LRIG1: variants seen among roughly 807,000 people sequenced by gnomAD.
LRIG1 encodes leucine-rich repeats and immunoglobulin-like domains protein 1.
LRIG1 carries 48 observed loss-of-function variants against 99.2 expected under a neutral mutation model. The observed-to-expected ratio is 0.48, with a 90% confidence interval of 0.38 to 0.62. LRIG1 has a LOEUF of 0.62. LRIG1 is among the 20% of genes least tolerant of loss of function. LRIG1 has a pLI of 0.00. For missense variants in LRIG1, 1,646 were observed against 1,434.4 expected (o/e 1.15, Z -2.38); for synonymous variants, 772 against 596.1 (o/e 1.29, Z -4.30).
At chr3:66,497,704 CAAAAAA>C (rs71616223) in intron 1 of LRIG1, among the ~76,000 whole-genome samples, 4 of 89,266 alleles carry the variant, frequency 4.5e-5, no homozygotes, top group South Asian at 5.2e-4. Flanking sequence ...GCACTGTTTA[CAAAAAA>C]AAAAAAAAAA....
chr3:66,447,070 T>A (rs1319876006), intron 3 of LRIG1, among the ~76,000 whole-genome samples: 5 of 152,190 alleles, frequency 3.3e-5, no homozygotes, highest in South Asian at 4.1e-4. Context: ...TTCATTTTTT[T>A]AAATTTTCTG....
At chr3:66,407,600 GA>G in intron 7 of LRIG1, 109 bp from the exon 8 acceptor site, 1 of 1,279,154 alleles carries the variant, frequency 7.8e-7, no homozygotes, top group Non-Finnish European at 1.1e-6. Flanking sequence ...AAATGACACA[GA>G]TGCACACGCA....
chr3:66,472,226 C>T (rs188326443), intron 1 of LRIG1, among the ~76,000 whole-genome samples: 1 of 146,370 alleles, frequency 6.8e-6, no homozygotes, highest in East Asian at 2.0e-4. Context: ...ATGGCGAGAA[C>T]CCGGGAGGCG....
rs564937780 is a variant in LRIG1, at chr3:66,389,662, C to G, written c.1469-3361G>C. 3.9e-5 allele frequency among the ~76,000 whole-genome samples: 6 copies of G among 152,138 alleles called. No homozygotes were observed. In the South Asian group the frequency reaches 1.2e-3, roughly 32 times the overall value. Reference sequence around the variant, plus strand: ...AATACATATATACCTAATGGAGCGCCACAAAACATAAAATCTGACCAGATT... The same window carrying G: ...AATACATATATACCTAATGGAGCGCGACAAAACATAAAATCTGACCAGATT... On this transcript the variant is annotated intron_variant, in intron 12 of 18. Transcript: ENST00000273261.
At chr3:66,415,182 G>C (rs1022380568) in intron 4 of LRIG1, 119 bp from the exon 5 acceptor site, 16 of 977,590 alleles carry the variant, frequency 1.6e-5, no homozygotes, top group Admixed American at 8.7e-5. Context: ...CAGAGGGACA[G>C]GTTTCCAGTG....
intron 7 of LRIG1, among the ~76,000 whole-genome samples, chr3:66,408,913 AGTGTGT>A (rs55651719): frequency 0.066 from 2,312 of 34,936 alleles, 84 homozygotes; most frequent in Admixed American, 0.16. Context: ...ACTCCAAGTC[AGTGTGT>A]GTGTGTGTGT....
chr3:66,468,929 G>C (rs1466362041), intron 1 of LRIG1: 4 of 152,128 alleles, frequency 2.6e-5, no homozygotes, highest in Non-Finnish European at 5.9e-5. Flanking sequence ...ATGTTGTAAG[G>C]TTTTATAAAA....
At chr3:66,405,948 T>C (rs1208719347) in intron 8 of LRIG1, 3 of 997,010 alleles carry the variant, frequency 3.0e-6, no homozygotes, top group Non-Finnish European at 3.6e-6. Context: ...CTTCCCAGCT[T>C]CCAGGAGCAG....
intron 1 of LRIG1, among the ~76,000 whole-genome samples, chr3:66,496,803 T>C (rs1023075493): frequency 1.2e-4 from 19 of 152,216 alleles, no homozygotes; most frequent in Non-Finnish European, 1.8e-4. Flanking sequence ...TTAAACTTAA[T>C]TTGCATAAAC....
In LRIG1 at chr3:66,379,540, T is replaced by TTTTGCTTGTGATG. The variant is rs1700907398; in HGVS notation, c.*710_*722dup. ...AAGGCAGTGTTTAACTGTTCTGACC[T>TTTTGCTTGTGATG]TTTGCTTGTGATGGATTAACAACCC... On this transcript the variant is annotated 3_prime_UTR_variant, in exon 19 of 19. Coordinates refer to ENST00000273261, the MANE Select transcript of LRIG1 (RefSeq NM_015541.3). 1 of 152,096 alleles carries TTTTGCTTGTGATG rather than the reference T, an allele frequency of 6.6e-6. No individual in the cohort carries two copies. The highest frequency in any genetic ancestry group is 1.5e-5 in the Non-Finnish European group (1 of 67,994). 9.4% of individuals were successfully genotyped at this position (152,096 alleles called of 1,614,324 possible). A position where few individuals can be genotyped will look rare whatever the true frequency, so the allele number is the denominator to read the frequency against.
intron 1 of LRIG1, among the ~76,000 whole-genome samples, chr3:66,475,482 G>A (rs1700700709): frequency 6.6e-6 from 1 of 152,114 alleles, no homozygotes; most frequent in Non-Finnish European, 1.5e-5. Flanking sequence ...CCCCAAACTG[G>A]CTTTCCTTTC....
At chr3:66,385,821 C>G (rs1018154674) in intron 13 of LRIG1, among the ~76,000 whole-genome samples, 160 bp downstream of exon 13, 1 of 152,210 alleles carries the variant, frequency 6.6e-6, no homozygotes, top group South Asian at 2.1e-4. Context: ...ATCTGCAAAA[C>G]TTGCTCTGGG....
At chr3:66,457,511 C>T (rs1700256539) in intron 2 of LRIG1, among the ~76,000 whole-genome samples, 1 of 152,176 alleles carries the variant, frequency 6.6e-6, no homozygotes, top group African/African-American at 2.4e-5. Flanking sequence ...ATGCACCCAG[C>T]TTGGAGGGCT....
chr3:66,438,101 G>C (rs1703417083), intron 3 of LRIG1, among the ~76,000 whole-genome samples: 1 of 152,138 alleles, frequency 6.6e-6, no homozygotes, highest in African/African-American at 2.4e-5. Flanking sequence ...GGCTGCCTCA[G>C]AGCCACATCT....
rs184217607 is a variant in LRIG1, at chr3:66,446,863, A to T, written c.365+4696T>A. On this transcript the variant is annotated intron_variant, in intron 3 of 18. Transcript: ENST00000273261. ...AAAATGCTTTCCTCAAAAAAAAAAA[A>T]ATTAGTTTTCAAATAAGTGGTTACC... Among the ~76,000 whole-genome samples, 312 of 151,840 alleles carry T rather than the reference A, an allele frequency of 2.1e-3. 1 individual carries two copies. Among genetic ancestry groups the T allele is most frequent in the African/African-American group, 7.1e-3 (295 of 41,378 alleles).
At chr3:66,412,008 G>C (rs1310897460) in intron 6 of LRIG1, among the ~76,000 whole-genome samples, 1 of 152,200 alleles carries the variant, frequency 6.6e-6, no homozygotes, top group African/African-American at 2.4e-5. Flanking sequence ...TAACTATACA[G>C]TCAAATTACT....
chr3:66,500,301 C>A lies in LRIG1; in HGVS notation c.107G>T (p.Gly36Val), dbSNP rs1470599698. 5 of 1,471,892 alleles carry A rather than the reference C, an allele frequency of 3.4e-6. No individual in the cohort carries two copies. Among genetic ancestry groups the A allele is most frequent in the Admixed American group, 2.5e-5 (1 of 40,134 alleles). 91.2% of individuals were successfully genotyped at this position (1,471,892 alleles called of 1,614,324 possible). ...LRLEPVTAAAGPRAPCAAACT... is the reference protein window; with the variant it reads ...LRLEPVTAAAVPRAPCAAACT... ...GGCGGCCGCGCAGGGCGCCCGCGGG[C>A]CGGCCGCGGCGGTCACCGGCTCCAG... The change falls in exon 1 of 19, where the codon GGC becomes GTC. Residue 36 changes from glycine to valine, a missense_variant. By Grantham distance (109) the Gly-to-Val change is moderately radical. Transcript: ENST00000273261.
Position 66,384,239 on chromosome 3 carries a change from A to T in LRIG1, c.1823T>A (p.Ile608Lys). ...GGCCATGGTGGTGGTCCGGATGGTTATGTCGTGGGGCGTTTTGGTGAATGA... is the reference window on the plus strand; with the variant it reads ...GGCCATGGTGGTGGTCCGGATGGTTTTGTCGTGGGGCGTTTTGGTGAATGA... ...LPSFTKTPHDITIRTTTMARL... is the reference protein window; with the variant it reads ...LPSFTKTPHDKTIRTTTMARL... Residue 608 changes from isoleucine (I) to lysine (K), a missense_variant, in exon 14 of 19, where the codon ATA (isoleucine) becomes AAA (lysine). Coordinates refer to ENST00000273261, the MANE Select transcript of LRIG1 (RefSeq NM_015541.3). 6.2e-7 allele frequency: 1 copy of T among 1,613,322 alleles called. No individual in the cohort carries two copies. Among genetic ancestry groups the T allele is most frequent in the Non-Finnish European group, 8.5e-7 (1 of 1,179,372 alleles).
chr3:66,406,011 C>A, intron 8 of LRIG1: 1 of 989,528 alleles, frequency 1.0e-6, no homozygotes. Context: ...CCCATCCTGC[C>A]CTCTCCAACT....
Sources: gnomAD v4.1 joint callset for allele counts (sites outside exome capture counted in the v4.1 genomes callset) on GRCh38, gnomAD v4.1.1 for gene constraint, MANE v1.5 for transcripts, NCBI Gene and HGNC (gene_info 2026-07-23, HGNC 2026-07-21) for gene names.